The following COL9A3 variants were observed in gnomAD, a reference collection of about 807,000 sequenced individuals.
COL9A3 encodes the protein collagen type IX alpha 3 chain.
A neutral mutation model predicts 110.2 loss-of-function variants in COL9A3; 82 were observed. The observed-to-expected ratio is 0.74, with a 90% CI of 0.62 to 0.89. The LOEUF (loss-of-function observed/expected upper bound fraction) is 0.89, where lower values mean the gene tolerates loss of function less well. COL9A3 is among the 40% of genes least tolerant of loss of function. COL9A3 has a pLI of 0.00. For synonymous variants in COL9A3, 494 were observed against 403.8 expected (o/e 1.22, Z -2.68); for missense variants, 1,066 against 981.3 (o/e 1.09, Z -1.15).
At position 62,829,650 on chromosome 20, in the gene COL9A3, A is replaced by C. The variant is rs757784731; in HGVS notation, c.1076A>C (p.Glu359Ala). The C allele has an allele frequency of 4.3e-6, 7 of 1,609,700 alleles. No individual in the cohort carries two copies. In the South Asian group the frequency reaches 6.6e-5, roughly 15 times the overall value. The change falls in exon 21 of 32, where the codon GAG (glutamate) becomes GCG (alanine). Residue 359 changes from glutamate to alanine, a missense_variant. By Grantham distance (107) the Glu-to-Ala change is moderately radical. Transcript: ENST00000649368. ...GERGRAGELG[E>A]AGPSGEPGVP... is the part of the protein sequence containing the mutation. ...CAGGGCAGAGCTGGGGAGCTGGGTG[A>C]GGCCGGCCCCTCTGGAGAGCCAGGC...
In COL9A3 at chr20:62,833,166, G is replaced by A. The variant is rs149681503; in HGVS notation, c.1368+102G>A. On this transcript the variant is annotated intron_variant, in intron 26 of 31. Coordinates refer to ENST00000649368, the MANE Select transcript of COL9A3 (RefSeq NM_001853.4). ...GACAGGGTCAAAATCTGCAGCTCCC[G>A]GTGGAAGATCGGCAGCTCTGCTGGG... 1.6e-4 allele frequency: 158 copies of A among 979,794 alleles called. No individual in the cohort carries two copies. In the African/African-American group the frequency reaches 1.6e-3, roughly 10 times the overall value. The allele number at this position is 979,794 out of a possible 1,614,324, so 60.7% of individuals were successfully genotyped here.
At chr20:62,824,531 C>T (rs373505033) in intron 11 of COL9A3, 30 bp downstream of exon 11, 101 of 1,566,048 alleles carry the variant, frequency 6.4e-5, no homozygotes, top group Middle Eastern at 5.5e-4. Context: ...GACCCAAGCA[C>T]CACCCTGTGC....
At chr20:62,818,769 AAGCTTTCTTTGG>A (rs944323095) in intron 3 of COL9A3, among the ~76,000 whole-genome samples, 1 of 152,098 alleles carries the variant, frequency 6.6e-6, no homozygotes, top group African/African-American at 2.4e-5. Context: ...CCTGGCTTTG[AAGCTTTCTTTGG>A]ACCAGCGCCA....
intron 26 of COL9A3, among the ~76,000 whole-genome samples, chr20:62,833,825 G>A (rs546969063): frequency 6.6e-6 from 1 of 152,098 alleles, no homozygotes; most frequent in East Asian, 1.9e-4. Context: ...AGCCTCCTGA[G>A]TAGCCAGGAT....
chr20:62,840,016 T>G (rs1490385410), intron 31 of COL9A3, among the ~76,000 whole-genome samples: 1 of 152,096 alleles, frequency 6.6e-6, no homozygotes, highest in Non-Finnish European at 1.5e-5. Context: ...TGTGTTGCAC[T>G]TGCTGGTGGA....
rs1200846832 is a variant in COL9A3, at chr20:62,830,254, C to A, written c.1162-106C>A. On this transcript the variant is annotated intron_variant, in intron 22 of 31. Coordinates refer to ENST00000649368, the MANE Select transcript of COL9A3 (RefSeq NM_001853.4). ...CCAGCCAGGTGGCTTAGAACCGGCTCCTGTGTCCACCCACTCTGGGGGAAG... is the reference window on the plus strand; with the variant it reads ...CCAGCCAGGTGGCTTAGAACCGGCTACTGTGTCCACCCACTCTGGGGGAAG... 3.7e-6 allele frequency: 5 copies of A among 1,342,272 alleles called. No homozygotes were observed. The African/African-American group carries it at 7.3e-5, about 20-fold the overall frequency. 83.1% of individuals were successfully genotyped at this position (1,342,272 alleles called of 1,614,324 possible). A position where few individuals can be genotyped will look rare whatever the true frequency, so the allele number is the denominator to read the frequency against.
Position 62,838,780 on chromosome 20 carries a change from C to G in COL9A3, c.1864+19C>G. 1 of 1,544,834 alleles carries G rather than the reference C, an allele frequency of 6.5e-7. No homozygotes were observed. The highest frequency in any genetic ancestry group is 8.8e-7 in the Non-Finnish European group (1 of 1,141,126). ...CCCCAAGGTACGAGTCCACGGCCAG[C>G]AAGGCTTCACTGGGTGACATCTCTT... On this transcript the variant is annotated intron_variant, in intron 31 of 31. Coordinates refer to ENST00000649368, the MANE Select transcript of COL9A3 (RefSeq NM_001853.4).
intron 14 of COL9A3, 106 bp downstream of exon 14, chr20:62,826,363 G>C (rs926099866): frequency 9.2e-7 from 1 of 1,084,392 alleles, no homozygotes; most frequent in Non-Finnish European, 1.3e-6. Flanking sequence ...TGAAGCAGCC[G>C]GCACCCTGGC....
intron 10 of COL9A3, among the ~76,000 whole-genome samples, chr20:62,823,504 G>A (rs754683256): frequency 2.6e-4 from 39 of 152,212 alleles, no homozygotes; most frequent in Admixed American, 4.6e-4. Context: ...CTGTCTACCA[G>A]CCTCTCTCCT....
chr20:62,832,871 G>A (rs2063607374), intron 25 of COL9A3, 149 bp from the exon 26 acceptor site: 1 of 655,418 alleles, frequency 1.5e-6, no homozygotes, highest in Non-Finnish European at 2.6e-6. Flanking sequence ...TTTGGAGCGG[G>A]TTAAAAGGCA....
At chr20:62,829,726 T>C in intron 21 of COL9A3, 40 bp from the exon 22 acceptor site, 1 of 1,596,854 alleles carries the variant, frequency 6.3e-7, no homozygotes. Context: ...CCAGCCTGTG[T>C]GCAGACCCTG....
In COL9A3 at chr20:62,830,531, C is replaced by A. The variant is rs764957912; in HGVS notation, c.1230C>A (p.Ser410Arg). The A allele has an allele frequency of 1.9e-6, 3 of 1,608,636 alleles. No individual in the cohort carries two copies. In the South Asian group the frequency reaches 3.3e-5, roughly 18 times the overall value. Residue 410 changes from serine to arginine, a missense_variant, in exon 24 of 32, where the codon AGC becomes AGA. Ser to Arg is a moderately radical substitution (Grantham distance 110). Coordinates refer to ENST00000649368, the MANE Select transcript of COL9A3 (RefSeq NM_001853.4). Reference sequence around the variant, plus strand: ...TCCTTCCCCAGGGCCAGAAGGGCAGCATGGGAGACCCCGGCCTTCCAGGCC... The same window carrying A: ...TCCTTCCCCAGGGCCAGAAGGGCAGAATGGGAGACCCCGGCCTTCCAGGCC... ...GVRGFQGQKG[S>R]MGDPGLPGPQ... is the part of the protein sequence containing the mutation.
In COL9A3 at chr20:62,818,511, C is replaced by T. The variant is rs949229114; in HGVS notation, c.148-7C>T. 18 of 1,612,900 alleles carry T rather than the reference C, an allele frequency of 1.1e-5. No homozygotes were observed. The highest frequency in any genetic ancestry group is 1.4e-5 in the Non-Finnish European group (16 of 1,179,892). On this transcript the variant is annotated splice_region_variant and splice_polypyrimidine_tract_variant and intron_variant, in intron 2 of 31. Coordinates refer to ENST00000649368, the MANE Select transcript of COL9A3 (RefSeq NM_001853.4). Reference sequence around the variant, plus strand: ...TCAGGGTTACATGTGGGTGTCTTTCCTCACAGGGAGAAGCTGGTCCTCCAG... The same window carrying T: ...TCAGGGTTACATGTGGGTGTCTTTCTTCACAGGGAGAAGCTGGTCCTCCAG...
intron 25 of COL9A3, among the ~76,000 whole-genome samples, chr20:62,832,414 C>T (rs2063603840): frequency 6.6e-6 from 1 of 152,258 alleles, no homozygotes; most frequent in South Asian, 2.1e-4. Context: ...CCGGCATCCG[C>T]CGCTGCCTTC....
chr20:62,819,327 C>T, intron 4 of COL9A3, 34 bp downstream of exon 4: 1 of 1,587,592 alleles, frequency 6.3e-7, no homozygotes, highest in Non-Finnish European at 8.6e-7. Context: ...CCATGCCCCA[C>T]TCCCCGCTCC....
intron 2 of COL9A3, 40 bp downstream of exon 2, chr20:62,817,675 T>G (rs1990979400): frequency 7.1e-7 from 1 of 1,408,634 alleles, no homozygotes; most frequent in Non-Finnish European, 9.6e-7. Flanking sequence ...CGCTCTGGGG[T>G]TCTGGCTCTG....
chr20:62,816,889 G>A (rs913321322), upstream of COL9A3, among the ~76,000 whole-genome samples: 1 of 151,196 alleles, frequency 6.6e-6, no homozygotes, highest in East Asian at 2.0e-4. Context: ...TTTCGCCCAG[G>A]CGGGCTGGGC....
At position 62,818,547 on chromosome 20, in the gene COL9A3, G is replaced by GCC. The variant is rs1293618149; in HGVS notation, c.181_182dup (p.Gly62ArgfsTer27). The GCC allele has an allele frequency of 3.7e-6, 6 of 1,612,880 alleles. No individual in the cohort carries two copies. In the Admixed American group the frequency reaches 1.0e-4, roughly 27 times the overall value. On this transcript the variant is annotated frameshift_variant, in exon 3 of 32. Coordinates refer to ENST00000649368, the MANE Select transcript of COL9A3 (RefSeq NM_001853.4). LOFTEE classifies it high-confidence loss of function. Reference sequence around the variant, plus strand: ...AAGCTGGTCCTCCAGGTCTGCCTGGGCCCCCGGTGAGTGTCCCTGGCTGGG... The same window carrying GCC: ...AAGCTGGTCCTCCAGGTCTGCCTGGGCCCCCCCGGTGAGTGTCCCTGGCTGGG...
At position 62,833,064 on chromosome 20, in the gene COL9A3, G is replaced by T; in HGVS notation, c.1368G>T (p.Leu456=). ...GTCTTCCTGGGGATAAAGGAGAACT[G>T]GTGAGTAATTAGGTAACCTCACTGT... ...SDGLPGDKGE[L]GPSGLVGPKG... is the part of the protein sequence containing the mutation. Residue 456 remains leucine (L), a splice_region_variant and synonymous_variant, in exon 26 of 32, where the codon CTG becomes CTT. Transcript: ENST00000649368. 1 of 1,612,788 alleles carries T rather than the reference G, an allele frequency of 6.2e-7. No individual in the cohort carries two copies. The highest frequency in any genetic ancestry group is 1.1e-5 in the South Asian group (1 of 91,062).
Sources: gnomAD v4.1 joint callset for allele counts (sites outside exome capture counted in the v4.1 genomes callset) on GRCh38, gnomAD v4.1.1 for gene constraint, MANE v1.5 for transcripts, NCBI Gene and HGNC (gene_info 2026-07-23, HGNC 2026-07-21) for gene names.